NEK5: variants seen among roughly 807,000 people sequenced by gnomAD.
NEK5 encodes the protein serine/threonine-protein kinase Nek5.
In NEK5, 88 loss-of-function variants were observed where a neutral mutation model predicts 109.2. The ratio of observed to expected loss-of-function variants is 0.81; its 90% CI spans 0.68 to 0.96. NEK5 has a LOEUF of 0.96. NEK5 is among the 40% of genes least tolerant of loss of function. NEK5 has a pLI of 0.00. For synonymous variants in NEK5, 283 were observed against 299.9 expected, an observed-to-expected ratio of 0.94 and a Z score of 0.58; for missense variants, 834 against 920.7, an observed-to-expected ratio of 0.91 and a Z score of 1.22.
intron 12 of NEK5, among the ~76,000 whole-genome samples, chr13:52,099,307 C>G (rs1955481145): frequency 6.6e-6 from 1 of 151,876 alleles, no homozygotes; most frequent in African/African-American, 2.4e-5. Context: ...CCGAGGCAGG[C>G]TGATCGCAAG....
intron 9 of NEK5, among the ~76,000 whole-genome samples, chr13:52,103,215 G>A (rs1934639326): frequency 6.6e-6 from 1 of 152,172 alleles, no homozygotes; most frequent in South Asian, 2.1e-4. Flanking sequence ...GATCACCCAA[G>A]GTCAGGAGTT....
At chr13:52,062,124 AAG>A (rs1404312674) in intron 21 of NEK5, 171 bp from the exon 22 acceptor site, 2 of 152,202 alleles carry the variant, frequency 1.3e-5, no homozygotes, top group Non-Finnish European at 2.9e-5. Flanking sequence ...TGATGAGGGG[AAG>A]AGTCATTCAT....
At chr13:52,090,134 T>C (rs1383587629) in intron 13 of NEK5, among the ~76,000 whole-genome samples, 2 of 152,208 alleles carry the variant, frequency 1.3e-5, no homozygotes, top group African/African-American at 2.4e-5. Flanking sequence ...TCTCTCCAAA[T>C]GTTTAAGGTA....
intron 7 of NEK5, among the ~76,000 whole-genome samples, chr13:52,110,061 A>C (rs907054894): frequency 2.0e-5 from 3 of 152,184 alleles, no homozygotes; most frequent in Non-Finnish European, 4.4e-5. Context: ...AAACCTGCCT[A>C]TTTCACGAAA....
intron 20 of NEK5, among the ~76,000 whole-genome samples, chr13:52,067,138 T>C (rs570459159): frequency 6.6e-6 from 1 of 152,328 alleles, no homozygotes; most frequent in South Asian, 2.1e-4. Flanking sequence ...ATTTTGACAT[T>C]TGGAAATGTA....
chr13:52,092,964 G>A, intron 13 of NEK5, 90 bp downstream of exon 13: 1 of 843,170 alleles, frequency 1.2e-6, no homozygotes, highest in East Asian at 2.7e-5. Flanking sequence ...GATTATTTGT[G>A]TTAGGAGAAT....
intron 19 of NEK5, among the ~76,000 whole-genome samples, chr13:52,074,626 C>G (rs1248421060): frequency 6.6e-6 from 1 of 152,054 alleles, no homozygotes; most frequent in East Asian, 1.9e-4. Context: ...ACAAAATTGA[C>G]AAGTGGAACC....
intron 19 of NEK5, among the ~76,000 whole-genome samples, chr13:52,074,948 G>A (rs942282494): frequency 2.0e-5 from 3 of 152,144 alleles, no homozygotes; most frequent in Non-Finnish European, 4.4e-5. Flanking sequence ...GAGTCAGAAT[G>A]GCTATTACTA....
At chr13:52,061,422 A>C (rs1954613941) in intron 22 of NEK5, among the ~76,000 whole-genome samples, 1 of 152,198 alleles carries the variant, frequency 6.6e-6, no homozygotes, top group Non-Finnish European at 1.5e-5. Flanking sequence ...AATCTTGCTA[A>C]AAATTGGAGG....
chr13:52,067,676 A>ATTTTTT (rs33986940), intron 20 of NEK5, among the ~76,000 whole-genome samples: 1 of 120,170 alleles, frequency 8.3e-6, no homozygotes, highest in African/African-American at 3.1e-5. Flanking sequence ...ACACCACGTC[A>ATTTTTT]TTTTTTTTTT....
At chr13:52,110,732 A>G (rs1955742875) in intron 5 of NEK5, among the ~76,000 whole-genome samples, 155 bp from the exon 6 acceptor site, 1 of 152,120 alleles carries the variant, frequency 6.6e-6, no homozygotes, top group East Asian at 1.9e-4. Context: ...GTTAATAGGT[A>G]CACTTTATCA....
chr13:52,060,142 C>G (rs886208664), intron 22 of NEK5, among the ~76,000 whole-genome samples: 1 of 151,992 alleles, frequency 6.6e-6, no homozygotes, highest in African/African-American at 2.4e-5. Context: ...ATATTAATGA[C>G]TAATTATGAG....
chr13:52,117,403 T>C (rs1328503512), intron 4 of NEK5, among the ~76,000 whole-genome samples: 1 of 152,162 alleles, frequency 6.6e-6, no homozygotes, highest in East Asian at 1.9e-4. Context: ...CTCAAAGGCA[T>C]CACAATAGCT....
At chr13:52,102,626 A>C (rs1955564409) in intron 9 of NEK5, among the ~76,000 whole-genome samples, 1 of 152,110 alleles carries the variant, frequency 6.6e-6, no homozygotes, top group South Asian at 2.1e-4. Context: ...CCAGGCGGTC[A>C]AAGCTGCAGT....
At chr13:52,101,788 G>A (rs1955537763) in intron 11 of NEK5, 145 bp downstream of exon 11, 5 of 681,108 alleles carry the variant, frequency 7.3e-6, no homozygotes, top group Non-Finnish European at 1.3e-5. Flanking sequence ...GTTGCCATTT[G>A]ACAAGATGAT....
rs975488241 is a variant in NEK5 at position 52,110,353 on chromosome 13, T to C, written c.454A>G (p.Arg152Gly). 2.5e-6 allele frequency: 4 copies of C among 1,611,202 alleles called. No homozygotes were observed. The highest frequency in any genetic ancestry group is 1.7e-4 in the Middle Eastern group (1 of 6,050). Residue 152 changes from arginine to glycine, a missense_variant, in exon 7 of 24, where the codon AGA becomes GGA. Coordinates refer to ENST00000684899, the MANE Select transcript of NEK5 (RefSeq NM_001365552.1). ...VAKLGDFGIA[R>G]VLNNSMELAR... ...CAAAGTACTTACTTATTCAGGACTC[T>C]TGCTATACCAAAGTCCCCAAGCTTT...
intron 8 of NEK5, 27 bp from the exon 9 acceptor site, chr13:52,104,579 A>C (rs775134188): frequency 6.7e-7 from 1 of 1,497,746 alleles, no homozygotes; most frequent in Non-Finnish European, 9.3e-7. Flanking sequence ...TTTACATGCC[A>C]AGAAAATATC....
intron 22 of NEK5, among the ~76,000 whole-genome samples, chr13:52,054,990 C>G (rs1191402871): frequency 6.6e-6 from 1 of 152,198 alleles, no homozygotes; most frequent in African/African-American, 2.4e-5. Flanking sequence ...TTCAGACGAT[C>G]AAATTACTCC....
At chr13:52,075,871 A>G in intron 18 of NEK5, 45 bp from the exon 19 acceptor site, 11 of 1,340,230 alleles carry the variant, frequency 8.2e-6, no homozygotes, top group Non-Finnish European at 1.1e-5. Context: ...AATTCAGTAA[A>G]AGCCTTAAAA....
Sources: gnomAD v4.1 joint callset for allele counts (sites outside exome capture counted in the v4.1 genomes callset) on GRCh38, gnomAD v4.1.1 for gene constraint, MANE v1.5 for transcripts, NCBI Gene and HGNC (gene_info 2026-07-23, HGNC 2026-07-21) for gene names.